CSMD3: variants seen among roughly 807,000 people sequenced by gnomAD.
CSMD3 encodes the protein CUB and sushi domain-containing protein 3.
In CSMD3, 177 loss-of-function variants were observed where a neutral mutation model predicts 435.2. The observed-to-expected ratio is 0.41, with a 90% CI of 0.36 to 0.46. The LOEUF (loss-of-function observed/expected upper bound fraction) is 0.46, where lower values mean the gene tolerates loss of function less well. Ranked by LOEUF, CSMD3 falls within the 20% of genes least tolerant of loss-of-function variation. The pLI is 0.34. For missense variants in CSMD3, 4,265 were observed against 4,504.6 expected (o/e 0.95, Z 1.52); for synonymous variants, 1,656 against 1,520.5 (o/e 1.09, Z -2.07).
chr8:112,980,042 A>C (rs1474042003), intron 6 of CSMD3, among the ~76,000 whole-genome samples: 7 of 150,928 alleles, frequency 4.6e-5, no homozygotes, highest in Non-Finnish European at 1.0e-4. Flanking sequence ...ATTTAATAGT[A>C]ATAGTACAAT....
chr8:112,916,675 G>C (rs2082580934), intron 10 of CSMD3, among the ~76,000 whole-genome samples: 1 of 151,880 alleles, frequency 6.6e-6, no homozygotes, highest in African/African-American at 2.4e-5. Flanking sequence ...AATTTCAGCA[G>C]GTTCTGATAT....
At chr8:113,344,986 T>C (rs1451579171) in intron 1 of CSMD3, among the ~76,000 whole-genome samples, 1 of 152,152 alleles carries the variant, frequency 6.6e-6, no homozygotes, top group Non-Finnish European at 1.5e-5. Context: ...TCATAAGTCA[T>C]GTGTCTTCTT....
chr8:112,460,363 A>C (rs922662636), intron 32 of CSMD3, among the ~76,000 whole-genome samples: 1 of 152,016 alleles, frequency 6.6e-6, no homozygotes, highest in Admixed American at 6.6e-5. Flanking sequence ...AGTAAGGAGA[A>C]GCAAAGGGGT....
At chr8:113,424,905 T>C (rs1165289920) in intron 1 of CSMD3, among the ~76,000 whole-genome samples, 1 of 151,526 alleles carries the variant, frequency 6.6e-6, no homozygotes, top group East Asian at 1.9e-4. Context: ...TACACTGATA[T>C]TTACACGGGA....
chr8:112,934,807 C>A (rs1324457206), intron 9 of CSMD3, among the ~76,000 whole-genome samples: 1 of 152,116 alleles, frequency 6.6e-6, no homozygotes, highest in Non-Finnish European at 1.5e-5. Flanking sequence ...TAAAACTTTG[C>A]ACGTCACTCT....
At chr8:112,423,711 T>A (rs534467201) in intron 32 of CSMD3, among the ~76,000 whole-genome samples, 136 of 152,294 alleles carry the variant, frequency 8.9e-4, no homozygotes, top group African/African-American at 3.0e-3. Context: ...GAAAATCATT[T>A]AGGTATACTA....
chr8:113,347,431 A>T (rs2094159645), intron 1 of CSMD3, among the ~76,000 whole-genome samples: 2 of 152,128 alleles, frequency 1.3e-5, no homozygotes, highest in African/African-American at 2.4e-5. Context: ...TAAAGGTGAA[A>T]ATCAGGCGGT....
intron 1 of CSMD3, among the ~76,000 whole-genome samples, chr8:113,406,589 T>C (rs2094533793): frequency 6.6e-6 from 1 of 151,996 alleles, no homozygotes; most frequent in Non-Finnish European, 1.5e-5. Context: ...ATCTAGTTAT[T>C]TCATATGTGT....
intron 13 of CSMD3, 88 bp downstream of exon 13, chr8:112,800,074 T>A: frequency 1.1e-6 from 1 of 888,502 alleles, no homozygotes; most frequent in Non-Finnish European, 1.9e-6. Context: ...GCAAAACTTT[T>A]AATTTTGTAG....
At chr8:112,353,881 A>G (rs1428071406) in intron 38 of CSMD3, among the ~76,000 whole-genome samples, 1 of 152,200 alleles carries the variant, frequency 6.6e-6, no homozygotes, top group East Asian at 1.9e-4. Context: ...AAAACACGGC[A>G]AAGACACAAC....
intron 32 of CSMD3, among the ~76,000 whole-genome samples, chr8:112,470,189 A>G (rs145394661): frequency 4.3e-4 from 65 of 152,292 alleles, no homozygotes; most frequent in African/African-American, 1.5e-3. Context: ...AAAACCCAAA[A>G]TATTTGTTTT....
intron 4 of CSMD3, among the ~76,000 whole-genome samples, chr8:113,136,051 CAT>C (rs1018997950): frequency 1.3e-5 from 2 of 151,648 alleles, no homozygotes; most frequent in African/African-American, 4.8e-5. Context: ...AAACTTAAGA[CAT>C]AGTATGGGAG....
At chr8:113,401,853 A>G (rs1217524537) in intron 1 of CSMD3, among the ~76,000 whole-genome samples, 1 of 151,594 alleles carries the variant, frequency 6.6e-6, no homozygotes, top group Non-Finnish European at 1.5e-5. Flanking sequence ...AATTGCCTGT[A>G]GTGTTCAGTA....
chr8:112,907,578 T>C (rs1436764120), intron 10 of CSMD3, among the ~76,000 whole-genome samples: 2 of 151,196 alleles, frequency 1.3e-5, no homozygotes, highest in Admixed American at 6.6e-5. Flanking sequence ...ATATTACAAA[T>C]AAACAGTAAA....
chr8:113,148,674 A>C (rs2091734307), intron 4 of CSMD3, among the ~76,000 whole-genome samples: 1 of 151,752 alleles, frequency 6.6e-6, no homozygotes. Context: ...CCTATGTGGA[A>C]ATTTTGACAG....
At chr8:112,688,198 A>G (rs1179004639) in intron 14 of CSMD3, among the ~76,000 whole-genome samples, 1 of 152,294 alleles carries the variant, frequency 6.6e-6, no homozygotes, top group Admixed American at 6.5e-5. Context: ...CCATCTCCTG[A>G]TCTAAATGAT....
chr8:112,918,001 CAAACATGG>C lies in CSMD3; in HGVS notation c.1633+3618_1633+3625del, dbSNP rs555189303. 3.3e-4 allele frequency among the ~76,000 whole-genome samples: 50 copies of C among 152,030 alleles called. No individual in the cohort carries two copies. The East Asian group carries it at 7.0e-3, about 21-fold the overall frequency. ...TTTTCTCCAACTCAACGGCCATTTCCAAACATGGAAATAATCTTCCTCATCTGAATTTT... is the reference window on the plus strand; with the variant it reads ...TTTTCTCCAACTCAACGGCCATTTCCAAATAATCTTCCTCATCTGAATTTT... On this transcript the variant is annotated intron_variant, in intron 10 of 70. Coordinates refer to ENST00000297405, the MANE Select transcript of CSMD3 (RefSeq NM_198123.2).
intron 7 of CSMD3, among the ~76,000 whole-genome samples, chr8:112,973,348 C>T (rs1465175245): frequency 6.6e-6 from 1 of 151,884 alleles, no homozygotes; most frequent in African/African-American, 2.4e-5. Flanking sequence ...ACTTAAAAGA[C>T]TCACTCTCTG....
chr8:112,913,716 G>A lies in CSMD3; in HGVS notation c.1633+7911C>T, dbSNP rs142954308. Among the ~76,000 whole-genome samples the A allele has an allele frequency of 3.0e-3, 433 of 143,912 alleles. 4 individuals carry two copies. The highest frequency in any genetic ancestry group is 0.01 in the African/African-American group (409 of 39,190). The allele number at this position is 143,912 out of a possible 152,430, so 94.4% of individuals were successfully genotyped here. The stretch of plus-strand genomic sequence containing the variant: ...TCTCCTTCTTTCTCTCTCCCTCTAC[G>A]GTTCCTTTCATCACCCTGTGGCTTT... On this transcript the variant is annotated intron_variant, in intron 10 of 70. Coordinates refer to ENST00000297405, the MANE Select transcript of CSMD3 (RefSeq NM_198123.2).
Sources: allele counts gnomAD v4.1 joint callset (sites outside exome capture counted in the v4.1 genomes callset), GRCh38; gene constraint gnomAD v4.1.1; transcripts MANE v1.5; gene names NCBI Gene and HGNC (gene_info 2026-07-23, HGNC 2026-07-21).